LRRC4C: variants seen among roughly 807,000 people sequenced by gnomAD.
The protein encoded by LRRC4C is leucine rich repeat containing 4C.
In LRRC4C, 5 loss-of-function variants were observed where a neutral mutation model predicts 33.6. That is an observed-to-expected ratio of 0.15 (90% CI 0.08 to 0.31). The LOEUF (loss-of-function observed/expected upper bound fraction) is 0.31. Among genes scored for constraint, LRRC4C ranks in the 10% least tolerant of loss-of-function variants. The pLI is 1.00. For missense variants in LRRC4C, 560 were observed against 796.7 expected (o/e 0.70, Z 3.58); for synonymous variants, 329 against 302.0 (o/e 1.09, Z -0.93).
At chr11:41,398,695 T>A (rs1953913611) in intron 1 of LRRC4C, among the ~76,000 whole-genome samples, 1 of 151,890 alleles carries the variant, frequency 6.6e-6, no homozygotes, top group Non-Finnish European at 1.5e-5. Context: ...AGACTTAAAG[T>A]ATTAAGTAAA....
intron 1 of LRRC4C, among the ~76,000 whole-genome samples, chr11:41,110,106 T>C (rs1297183838): frequency 6.6e-6 from 1 of 152,030 alleles, no homozygotes; most frequent in Non-Finnish European, 1.5e-5. Context: ...CTACAACTAC[T>C]CTGCTTATCT....
intron 1 of LRRC4C, among the ~76,000 whole-genome samples, chr11:41,311,292 C>T (rs1446876141): frequency 6.6e-6 from 1 of 152,028 alleles, no homozygotes; most frequent in East Asian, 1.9e-4. Context: ...ATGAGTCTTG[C>T]TCATTTTGAG....
At chr11:41,145,327 T>C (rs1943680991) in intron 1 of LRRC4C, among the ~76,000 whole-genome samples, 1 of 152,188 alleles carries the variant, frequency 6.6e-6, no homozygotes, top group African/African-American at 2.4e-5. Flanking sequence ...GAACATTTCT[T>C]ATTATGTTTT....
chr11:40,256,452 T>C (rs1024713489), intron 4 of LRRC4C, among the ~76,000 whole-genome samples: 4 of 152,136 alleles, frequency 2.6e-5, no homozygotes, highest in Non-Finnish European at 5.9e-5. Flanking sequence ...TTCTCTGCCC[T>C]AGAATGGCTC....
At chr11:40,860,371 A>T (rs1293616365) in intron 2 of LRRC4C, among the ~76,000 whole-genome samples, 1 of 150,730 alleles carries the variant, frequency 6.6e-6, no homozygotes, top group Non-Finnish European at 1.5e-5. Context: ...TGAAGGTAAG[A>T]AGTCTGAAAT....
chr11:41,354,888 TA>T (rs1952104921), intron 1 of LRRC4C, among the ~76,000 whole-genome samples: 2 of 151,870 alleles, frequency 1.3e-5, no homozygotes, highest in Admixed American at 6.6e-5. Context: ...TGTAAAAATA[TA>T]AAACCCTAAA....
intron 1 of LRRC4C, among the ~76,000 whole-genome samples, chr11:41,089,280 T>A (rs1203174509): frequency 5.9e-5 from 9 of 151,958 alleles, no homozygotes; most frequent in Non-Finnish European, 1.3e-4. Flanking sequence ...CAAGTAATTC[T>A]TCCCAGTGGC....
chr11:40,413,760 C>T (rs1202418228), intron 3 of LRRC4C, among the ~76,000 whole-genome samples: 1 of 152,056 alleles, frequency 6.6e-6, no homozygotes, highest in Non-Finnish European at 1.5e-5. Flanking sequence ...AAGTAACTTG[C>T]TTAAATCACT....
At chr11:40,714,404 C>T (rs1469385218) in intron 2 of LRRC4C, among the ~76,000 whole-genome samples, 3 of 152,174 alleles carry the variant, frequency 2.0e-5, no homozygotes, top group Admixed American at 6.5e-5. Flanking sequence ...AATTATCTCA[C>T]AGCGTGCCTT....
At position 40,513,110 on chromosome 11, in the gene LRRC4C, G is replaced by A. The variant is rs185832053; in HGVS notation, c.-270+135032C>T. The stretch of plus-strand genomic sequence containing the variant: ...TACAAATACAAAAAATTAGCCAGGC[G>A]CGGTGGCATGCGCCTGTAATCCCAG... On this transcript the variant is annotated intron_variant, in intron 3 of 6. Transcript: ENST00000528697. Among the ~76,000 whole-genome samples the A allele has an allele frequency of 1.6e-4, 24 of 151,912 alleles. No homozygotes were observed. The East Asian group carries it at 2.9e-3, about 19-fold the overall frequency.
intron 4 of LRRC4C, among the ~76,000 whole-genome samples, chr11:40,317,894 A>G (rs1945655830): frequency 6.6e-6 from 1 of 152,152 alleles, no homozygotes. Context: ...AGCAGCAGCA[A>G]CCTGGTAGCA....
At chr11:40,654,168 G>A (rs1308941098) in intron 2 of LRRC4C, among the ~76,000 whole-genome samples, 1 of 152,224 alleles carries the variant, frequency 6.6e-6, no homozygotes, top group Non-Finnish European at 1.5e-5. Flanking sequence ...GGAAATGTGG[G>A]ATTGGAACTC....
Position 40,114,645 on chromosome 11 carries a change from T to G in LRRC4C, c.1648A>C (p.Met550Leu). The change falls in exon 7 of 7, where the codon ATG becomes CTG. Residue 550 changes from methionine to leucine, a missense_variant. Met to Leu is a conservative substitution (Grantham distance 15, BLOSUM62 2). Transcript: ENST00000528697. ...AAVMLVIFYK[M>L]RKQHHRQNHH... Reference sequence around the variant, plus strand: ...TTTTGCCGATGGTGCTGCTTCCTCATCTTGTAGAAAATGACCAGCATCACT... The same window carrying G: ...TTTTGCCGATGGTGCTGCTTCCTCAGCTTGTAGAAAATGACCAGCATCACT... 6.2e-7 allele frequency: 1 copy of G among 1,614,158 alleles called. No individual in the cohort carries two copies. Among genetic ancestry groups the G allele is most frequent in the Non-Finnish European group, 8.5e-7 (1 of 1,180,030 alleles).
At chr11:40,754,883 C>A (rs1236418673) in intron 2 of LRRC4C, among the ~76,000 whole-genome samples, 1 of 151,934 alleles carries the variant, frequency 6.6e-6, no homozygotes, top group Non-Finnish European at 1.5e-5. Context: ...GGTGAAGCAG[C>A]ACTTGTTTAC....
chr11:40,944,455 A>C (rs1189612050), intron 1 of LRRC4C, among the ~76,000 whole-genome samples: 1 of 152,202 alleles, frequency 6.6e-6, no homozygotes, highest in Non-Finnish European at 1.5e-5. Context: ...AAGGAGGCAA[A>C]AAGAAAATGC....
At chr11:40,912,031 A>G (rs1956721970) in intron 2 of LRRC4C, among the ~76,000 whole-genome samples, 2 of 152,238 alleles carry the variant, frequency 1.3e-5, no homozygotes, top group South Asian at 4.1e-4. Flanking sequence ...ACCCTCCAAG[A>G]AATATGGGAC....
At chr11:40,564,429 G>A (rs561819513) in intron 3 of LRRC4C, among the ~76,000 whole-genome samples, 29 of 152,252 alleles carry the variant, frequency 1.9e-4, no homozygotes, top group African/African-American at 6.5e-4. Context: ...CCAGTCCATC[G>A]TAAATGCACT....
At chr11:40,696,355 G>C (rs1945531167) in intron 2 of LRRC4C, among the ~76,000 whole-genome samples, 1 of 139,314 alleles carries the variant, frequency 7.2e-6, no homozygotes, top group Non-Finnish European at 1.5e-5. Flanking sequence ...ATATATATGT[G>C]GTATATATAT....
intron 1 of LRRC4C, among the ~76,000 whole-genome samples, chr11:41,437,531 C>A (rs1276623711): frequency 1.3e-5 from 2 of 152,082 alleles, no homozygotes; most frequent in African/African-American, 2.4e-5. Context: ...CTTCACAGAA[C>A]CTTCAAGCTT....
Sources: gnomAD v4.1 joint callset for allele counts (sites outside exome capture counted in the v4.1 genomes callset) on GRCh38, gnomAD v4.1.1 for gene constraint, MANE v1.5 for transcripts, NCBI Gene and HGNC (gene_info 2026-07-23, HGNC 2026-07-21) for gene names.